OPCML: variants seen among roughly 807,000 people sequenced by gnomAD.
OPCML encodes opioid-binding protein/cell adhesion molecule.
A neutral mutation model predicts 37.8 loss-of-function variants in OPCML; 13 were observed. That is an observed-to-expected ratio of 0.34 (90% CI 0.22 to 0.55). The LOEUF (loss-of-function observed/expected upper bound fraction) is 0.55, where lower values mean the gene tolerates loss of function less well. Ranked by LOEUF, OPCML falls within the 20% of genes least tolerant of loss-of-function variation. OPCML has a pLI of 0.91. For synonymous variants in OPCML, 176 were observed against 168.8 expected, an observed-to-expected ratio of 1.04 and a Z score of -0.33; for missense variants, 341 against 435.6, an observed-to-expected ratio of 0.78 and a Z score of 1.93.
intron 1 of OPCML, among the ~76,000 whole-genome samples, chr11:133,170,890 A>G (rs1284371921): frequency 6.6e-6 from 1 of 152,182 alleles, no homozygotes; most frequent in Admixed American, 6.5e-5. Context: ...TCATGAGCAA[A>G]GAAGTGGTCA....
intron 1 of OPCML, chr11:133,007,418 A>C: frequency 2.0e-6 from 2 of 985,430 alleles, no homozygotes; most frequent in Non-Finnish European, 2.4e-6. Context: ...GAGTCAAAGA[A>C]TGCTGTTACC....
chr11:132,499,680 T>C (rs1005097159), intron 4 of OPCML, among the ~76,000 whole-genome samples: 1 of 152,206 alleles, frequency 6.6e-6, no homozygotes, highest in Admixed American at 6.5e-5. Flanking sequence ...TCTCTATGCC[T>C]CAGCATCCTT....
chr11:133,279,421 A>G (rs1942079567), intron 1 of OPCML, among the ~76,000 whole-genome samples: 1 of 152,180 alleles, frequency 6.6e-6, no homozygotes, highest in Non-Finnish European at 1.5e-5. Context: ...GCACAAATGG[A>G]CCTACAATCC....
intron 2 of OPCML, among the ~76,000 whole-genome samples, chr11:132,794,696 T>C (rs1197437608): frequency 6.6e-6 from 1 of 152,060 alleles, no homozygotes; most frequent in African/African-American, 2.4e-5. Context: ...CTCCTACACA[T>C]GAATATCATA....
At chr11:133,122,479 T>C (rs1283746414) in intron 1 of OPCML, among the ~76,000 whole-genome samples, 1 of 152,146 alleles carries the variant, frequency 6.6e-6, no homozygotes, top group East Asian at 1.9e-4. Flanking sequence ...CAGGCACTTC[T>C]GGGCAGGAGG....
intron 1 of OPCML, among the ~76,000 whole-genome samples, chr11:133,215,065 A>T (rs1939526393): frequency 6.6e-6 from 1 of 152,218 alleles, no homozygotes. Flanking sequence ...AAATATACCT[A>T]GTTATATCTC....
intron 2 of OPCML, among the ~76,000 whole-genome samples, chr11:132,679,434 C>T (rs1942843635): frequency 6.6e-6 from 1 of 152,196 alleles, no homozygotes; most frequent in Non-Finnish European, 1.5e-5. Flanking sequence ...AGTAGTGATA[C>T]ATTCTCCAAC....
chr11:133,383,451 A>T (rs946047570), intron 1 of OPCML, among the ~76,000 whole-genome samples: 1 of 152,118 alleles, frequency 6.6e-6, no homozygotes, highest in African/African-American at 2.4e-5. Context: ...CCGATCTGTA[A>T]TCTGCTGCTC....
intron 1 of OPCML, among the ~76,000 whole-genome samples, chr11:133,217,330 G>A (rs140781403): frequency 6.2e-4 from 94 of 152,274 alleles, no homozygotes; most frequent in African/African-American, 2.1e-3. Context: ...GTTCCCATGG[G>A]CAGAATTGGG....
chr11:132,437,387 A>T, intron 4 of OPCML, 28 bp from the exon 5 acceptor site: 1 of 1,611,804 alleles, frequency 6.2e-7, no homozygotes, highest in Non-Finnish European at 8.5e-7. Context: ...GACAGGAAAC[A>T]ATCAGGAAAC....
At position 133,475,223 on chromosome 11, in the gene OPCML, T is replaced by G. The variant is rs368063790; in HGVS notation, c.61+57041A>C. Among the ~76,000 whole-genome samples, 313 of 127,306 alleles carry G rather than the reference T, an allele frequency of 2.5e-3. 2 individuals are homozygous for G. Among genetic ancestry groups the G allele is most frequent in the African/African-American group, 0.013 (296 of 22,056 alleles). The allele number at this position is 127,306 out of a possible 152,430, so 83.5% of individuals were successfully genotyped here. A position where few individuals can be genotyped will look rare whatever the true frequency, so the allele number is the denominator to read the frequency against. ...TTTTGTTTTTGTGGTTTTTTTTTGTTGTTTTTTTGTTGTTGTTGTTGTTTT... is the reference window on the plus strand; with the variant it reads ...TTTTGTTTTTGTGGTTTTTTTTTGTGGTTTTTTTGTTGTTGTTGTTGTTTT... On this transcript the variant is annotated intron_variant, in intron 1 of 7. Transcript: ENST00000524381.
At position 132,595,793 on chromosome 11, in the gene OPCML, T is replaced by C. The variant is rs554661684; in HGVS notation, c.379+61294A>G. ...AGGCATCAGCCATGGAAGTTTTTAA[T>C]TGGCTTGCTTTCTTGGGCTATGTCA... On this transcript the variant is annotated intron_variant, in intron 3 of 7. Coordinates refer to ENST00000524381, the MANE Select transcript of OPCML (RefSeq NM_001012393.5). 3.3e-5 allele frequency among the ~76,000 whole-genome samples: 5 copies of C among 152,352 alleles called. No individual in the cohort carries two copies. In the South Asian group the frequency reaches 1.0e-3, roughly 32 times the overall value.
chr11:132,741,220 C>G (rs1194761863), intron 2 of OPCML, among the ~76,000 whole-genome samples: 1 of 152,180 alleles, frequency 6.6e-6, no homozygotes, highest in Non-Finnish European at 1.5e-5. Context: ...TCCCAGCCAG[C>G]CTTCAATTCA....
At chr11:132,778,961 CTTTTTTTTT>C (rs10657036) in intron 2 of OPCML, among the ~76,000 whole-genome samples, 2 of 87,944 alleles carry the variant, frequency 2.3e-5, no homozygotes, top group Non-Finnish European at 4.3e-5. Context: ...TGGTATATTT[CTTTTTTTTT>C]TTTTTTTTTT....
chr11:132,882,217 A>T (rs1943247801), intron 2 of OPCML, among the ~76,000 whole-genome samples: 1 of 152,256 alleles, frequency 6.6e-6, no homozygotes, highest in Admixed American at 6.5e-5. Flanking sequence ...TGCCAACTTG[A>T]TCCAAGTGTA....
chr11:133,389,822 G>A (rs1174673161), intron 1 of OPCML, among the ~76,000 whole-genome samples: 1 of 152,178 alleles, frequency 6.6e-6, no homozygotes, highest in African/African-American at 2.4e-5. Flanking sequence ...ATGGTGCATA[G>A]CACATGGGTA....
intron 2 of OPCML, among the ~76,000 whole-genome samples, chr11:132,671,550 C>T (rs1942476903): frequency 6.6e-6 from 1 of 152,126 alleles, no homozygotes. Flanking sequence ...TCCGAGGCAA[C>T]CAAAATAACA....
At chr11:133,147,450 C>G (rs749555526) in intron 1 of OPCML, among the ~76,000 whole-genome samples, 2 of 152,064 alleles carry the variant, frequency 1.3e-5, no homozygotes, top group Non-Finnish European at 2.9e-5. Context: ...AAGCCCTACC[C>G]GCTTCAAAAC....
At chr11:133,099,389 A>G (rs1949052505) in intron 1 of OPCML, among the ~76,000 whole-genome samples, 2 of 150,448 alleles carry the variant, frequency 1.3e-5, no homozygotes, top group African/African-American at 4.9e-5. Context: ...CAGCCTCCTG[A>G]GTAGCTGGGA....
Sources: allele counts gnomAD v4.1 joint callset (sites outside exome capture counted in the v4.1 genomes callset), GRCh38; gene constraint gnomAD v4.1.1; transcripts MANE v1.5; gene names NCBI Gene and HGNC (gene_info 2026-07-23, HGNC 2026-07-21).